CSGALNACT1: variants seen among roughly 807,000 people sequenced by gnomAD.
CSGALNACT1 encodes chondroitin sulfate N-acetylgalactosaminyltransferase 1, also known as beta4GalNAcT-1.
CSGALNACT1 carries 52 observed loss-of-function variants against 51.0 expected under a neutral mutation model. That is an observed-to-expected ratio of 1.02 (90% CI 0.82 to 1.29). The LOEUF is 1.29. Ranked by LOEUF, CSGALNACT1 falls within the 50% of genes most tolerant of loss-of-function variation. The pLI is 0.00. For missense variants in CSGALNACT1, 935 were observed against 679.2 expected (o/e 1.38, Z -4.19); for synonymous variants, 341 against 254.4 (o/e 1.34, Z -3.24).
chr8:19,538,928 G>T (rs751526673), intron 3 of CSGALNACT1, among the ~76,000 whole-genome samples: 3 of 152,144 alleles, frequency 2.0e-5, no homozygotes, highest in Non-Finnish European at 4.4e-5. Context: ...ATCCTGAGAT[G>T]TTGTCCCTCC....
intron 4 of CSGALNACT1, among the ~76,000 whole-genome samples, chr8:19,460,149 A>C (rs1408897745): frequency 6.6e-6 from 1 of 152,194 alleles, no homozygotes; most frequent in Admixed American, 6.5e-5. Flanking sequence ...CCAACAAATC[A>C]GAAAAGCTTT....
At chr8:19,545,907 AT>A (rs1254744455) in intron 3 of CSGALNACT1, among the ~76,000 whole-genome samples, 1 of 149,832 alleles carries the variant, frequency 6.7e-6, no homozygotes, top group African/African-American at 2.4e-5. Context: ...ATATAAGTTT[AT>A]TTTTCTAAAA....
At chr8:19,678,040 G>C (rs1251434909) in intron 1 of CSGALNACT1, among the ~76,000 whole-genome samples, 2 of 152,018 alleles carry the variant, frequency 1.3e-5, no homozygotes, top group African/African-American at 2.4e-5. Flanking sequence ...CCAGGAGGTG[G>C]AAGCTGCAGT....
intron 4 of CSGALNACT1, among the ~76,000 whole-genome samples, chr8:19,489,453 T>C (rs1402907550): frequency 2.0e-5 from 3 of 152,152 alleles, no homozygotes; most frequent in Non-Finnish European, 4.4e-5. Context: ...AAGGAAGCAT[T>C]TTCCTTCTTC....
intron 1 of CSGALNACT1, among the ~76,000 whole-genome samples, chr8:19,740,491 C>T (rs566827302): frequency 2.6e-5 from 4 of 152,202 alleles, no homozygotes; most frequent in Non-Finnish European, 5.9e-5. Flanking sequence ...CATCCAGTAC[C>T]AGTGTTTTAC....
At chr8:19,585,515 C>G (rs778359094) in intron 3 of CSGALNACT1, among the ~76,000 whole-genome samples, 1 of 152,206 alleles carries the variant, frequency 6.6e-6, no homozygotes, top group South Asian at 2.1e-4. Flanking sequence ...TCATCTCAGC[C>G]TTGGATGTTG....
At chr8:19,717,332 T>C (rs566873810) in intron 1 of CSGALNACT1, among the ~76,000 whole-genome samples, 36 of 152,238 alleles carry the variant, frequency 2.4e-4, no homozygotes, top group Non-Finnish European at 5.0e-4. Flanking sequence ...ATAGCCTATG[T>C]AGCTGTGAAC....
At chr8:19,504,155 C>A in intron 4 of CSGALNACT1, among the ~76,000 whole-genome samples, 1 of 152,134 alleles carries the variant, frequency 6.6e-6, no homozygotes, top group East Asian at 1.9e-4. Flanking sequence ...CGGCTCACTG[C>A]AAGCTCTGCC....
chr8:19,616,937 T>C (rs1441311949), intron 1 of CSGALNACT1, among the ~76,000 whole-genome samples: 2 of 152,204 alleles, frequency 1.3e-5, no homozygotes, highest in Non-Finnish European at 2.9e-5. Flanking sequence ...TGGGGATGAT[T>C]CAAACTCATT....
chr8:19,463,126 T>C (rs756393159), intron 4 of CSGALNACT1, among the ~76,000 whole-genome samples: 3 of 148,844 alleles, frequency 2.0e-5, no homozygotes, highest in Non-Finnish European at 4.5e-5. Flanking sequence ...CCAGCTGCAT[T>C]CCTGTTACTC....
At chr8:19,679,857 T>C (rs1252800596) in intron 1 of CSGALNACT1, among the ~76,000 whole-genome samples, 1 of 152,132 alleles carries the variant, frequency 6.6e-6, no homozygotes, top group Non-Finnish European at 1.5e-5. Flanking sequence ...CACACTCTCA[T>C]CTCAATTTCC....
In CSGALNACT1 at chr8:19,666,760, G is replaced by GA. The variant is rs1554794191; in HGVS notation, c.-544+15712dup. On this transcript the variant is annotated intron_variant, in intron 1 of 9. Transcript: ENST00000332246. ...AGAAACACAAGAAACAAGAAAGAAA[G>GA]AAGAAAGAAAGAAAGAAAGAAAGAA... Among the ~76,000 whole-genome samples, 155 of 56,600 alleles carry GA rather than the reference G, an allele frequency of 2.7e-3. 2 individuals carry two copies. The highest frequency in any genetic ancestry group is 8.6e-3 in the Middle Eastern group (1 of 116). The allele number at this position is 56,600 out of a possible 152,430, so 37.1% of individuals were successfully genotyped here. A position where few individuals can be genotyped will look rare whatever the true frequency, so the allele number is the denominator to read the frequency against.
intron 3 of CSGALNACT1, among the ~76,000 whole-genome samples, chr8:19,584,048 C>T (rs1170645314): frequency 1.3e-5 from 2 of 152,100 alleles, no homozygotes; most frequent in East Asian, 1.9e-4. Flanking sequence ...TAGACTCAGC[C>T]CAAGTGTTTC....
rs778734226 is a variant in CSGALNACT1, at chr8:19,659,606, G to A, written c.-544+22867C>T. Among the ~76,000 whole-genome samples the A allele has an allele frequency of 7.2e-5, 11 of 152,296 alleles. No homozygotes were observed. The South Asian group carries it at 8.3e-4, about 11-fold the overall frequency. ...CTGCCTGGATCACATAAGTTACCACGAAAGTGCTTTTCAACAAAATCAGGT... is the reference window on the plus strand; with the variant it reads ...CTGCCTGGATCACATAAGTTACCACAAAAGTGCTTTTCAACAAAATCAGGT... On this transcript the variant is annotated intron_variant, in intron 1 of 9. Transcript: ENST00000332246.
chr8:19,557,685 C>T (rs1224170638), intron 3 of CSGALNACT1, among the ~76,000 whole-genome samples: 3 of 152,180 alleles, frequency 2.0e-5, no homozygotes, highest in Non-Finnish European at 4.4e-5. Context: ...GACCATTCTA[C>T]CCAAACAGCA....
At chr8:19,713,044 G>A (rs1564459889) in intron 1 of CSGALNACT1, among the ~76,000 whole-genome samples, 2 of 152,146 alleles carry the variant, frequency 1.3e-5, no homozygotes, top group Non-Finnish European at 2.9e-5. Context: ...TCTTTCCAGT[G>A]CTTTATCTCA....
At chr8:19,665,555 C>T (rs1400669746) in intron 1 of CSGALNACT1, among the ~76,000 whole-genome samples, 2 of 152,180 alleles carry the variant, frequency 1.3e-5, no homozygotes, top group African/African-American at 4.8e-5. Context: ...GAGGATGACT[C>T]ACCATGCCTT....
At chr8:19,418,486 T>G (rs1427743862) in intron 8 of CSGALNACT1, among the ~76,000 whole-genome samples, 170 bp downstream of exon 7, 2 of 152,214 alleles carry the variant, frequency 1.3e-5, no homozygotes, top group African/African-American at 4.8e-5. Context: ...TGCAAGCACT[T>G]TTAATCAACG....
intron 1 of CSGALNACT1, among the ~76,000 whole-genome samples, chr8:19,651,301 T>C (rs1209931354): frequency 6.6e-6 from 1 of 152,194 alleles, no homozygotes; most frequent in Non-Finnish European, 1.5e-5. Context: ...GGGGTACATG[T>C]ACATGTCTCT....
Sources: allele counts gnomAD v4.1 joint callset (sites outside exome capture counted in the v4.1 genomes callset), GRCh38; gene constraint gnomAD v4.1.1; transcripts MANE v1.5; gene names NCBI Gene and HGNC (gene_info 2026-07-23, HGNC 2026-07-21).